Variants in TRPV3 observed in about 807,000 individuals in gnomAD.
TRPV3 encodes transient receptor potential cation channel subfamily V member 3.
Under a neutral mutation model 87.1 loss-of-function variants are expected in TRPV3, and 88 were observed. The observed-to-expected ratio is 1.01, with a 90% CI of 0.85 to 1.21. TRPV3 has a LOEUF of 1.21. Among genes scored for constraint, TRPV3 ranks in the 50% most tolerant of loss-of-function variants. The pLI, the probability that TRPV3 is intolerant of heterozygous loss-of-function variation, is 0.00. For synonymous variants in TRPV3, 438 were observed against 423.3 expected, an observed-to-expected ratio of 1.03 and a Z score of -0.43; for missense variants, 1,054 against 1,030.1, an observed-to-expected ratio of 1.02 and a Z score of -0.32.
At chr17:3,551,471 G>T (rs1348708155) in intron 2 of TRPV3, among the ~76,000 whole-genome samples, 2 of 152,186 alleles carry the variant, frequency 1.3e-5, no homozygotes, top group African/African-American at 4.8e-5. Flanking sequence ...GCACCAGCTG[G>T]GTGTGGTTGA....
chr17:3,533,710 G>A (rs1320087565), intron 7 of TRPV3, among the ~76,000 whole-genome samples: 2 of 152,146 alleles, frequency 1.3e-5, no homozygotes, highest in South Asian at 2.1e-4. Flanking sequence ...TGTTGGCCAG[G>A]ATGGTCTTGA....
intron 12 of TRPV3, among the ~76,000 whole-genome samples, chr17:3,525,623 T>C (rs1477816136): frequency 1.1e-5 from 1 of 93,758 alleles, no homozygotes; most frequent in Non-Finnish European, 2.7e-5. Context: ...CACAATTAAT[T>C]TTTTTTTTTT....
At position 3,536,448 on chromosome 17, in the gene TRPV3, C is replaced by T. The variant is rs1365539173; in HGVS notation, c.644-735G>A. The stretch of plus-strand genomic sequence containing the variant: ...TACTAAAAATACAAAATTAGCCGGC[C>T]GTGGGGGCGCATGCCTGTAATCCCA... On this transcript the variant is annotated intron_variant, in intron 6 of 17. Transcript: ENST00000576742. Among the ~76,000 whole-genome samples the T allele has an allele frequency of 2.0e-5, 3 of 152,168 alleles. No individual in the cohort carries two copies. In the East Asian group the frequency reaches 5.8e-4, roughly 30 times the overall value.
rs972215846 is a variant in TRPV3 at position 3,557,222 on chromosome 17, C to T, written c.-3+454G>A. Among the ~76,000 whole-genome samples the T allele has an allele frequency of 3.3e-5, 5 of 152,124 alleles. No individual in the cohort carries two copies. The highest frequency in any genetic ancestry group is 5.9e-5 in the Non-Finnish European group (4 of 68,016). On this transcript the variant is annotated intron_variant, in intron 1 of 17. Coordinates refer to ENST00000576742, the MANE Select transcript of TRPV3 (RefSeq NM_145068.4). This position sits in a 1 kb window ranked among gnomAD's most constrained non-coding sequence, Gnocchi z 4.5. ...GCCTTTCCCGGGCGACAGACCAGGC[C>T]GCGGAGCCACAGCTGCTGACTCAGC...
intron 2 of TRPV3, chr17:3,546,647 A>G (rs2074528634): frequency 4.4e-6 from 2 of 455,976 alleles, no homozygotes; most frequent in East Asian, 6.9e-5. Context: ...CAACTTGCCC[A>G]AGGTCACGCA....
chr17:3,519,899 T>TA (rs2074229449), intron 14 of TRPV3, among the ~76,000 whole-genome samples: 1 of 113,412 alleles, frequency 8.8e-6, no homozygotes, highest in African/African-American at 3.2e-5. Context: ...ATTGGATGGA[T>TA]GATTAGATGG....
intron 14 of TRPV3, among the ~76,000 whole-genome samples, chr17:3,520,096 T>C (rs1250834978): frequency 1.3e-5 from 2 of 151,858 alleles, no homozygotes; most frequent in Non-Finnish European, 2.9e-5. Flanking sequence ...AGCAAATAAA[T>C]AAGCAAATTG....
intron 14 of TRPV3, among the ~76,000 whole-genome samples, chr17:3,519,859 T>C (rs1372454609): frequency 1.6e-5 from 1 of 61,412 alleles, no homozygotes; most frequent in Non-Finnish European, 4.8e-5. Context: ...ACTGGATGGA[T>C]GGATGGATGG....
intron 7 of TRPV3, 41 bp from the exon 8 acceptor site, chr17:3,532,978 C>T (rs373055839): frequency 3.0e-5 from 48 of 1,601,820 alleles, no homozygotes; most frequent in East Asian, 2.2e-5. Context: ...TCTCATGGGC[C>T]GGAAGCAGCG....
At position 3,518,968 on chromosome 17, in the gene TRPV3, C is replaced by G; in HGVS notation, c.1811-118G>C. The G allele has an allele frequency of 8.6e-7, 1 of 1,160,938 alleles. No individual in the cohort carries two copies. Among genetic ancestry groups the G allele is most frequent in the Non-Finnish European group, 1.2e-6 (1 of 841,892 alleles). The allele number at this position is 1,160,938 out of a possible 1,614,324, so 71.9% of individuals were successfully genotyped here. A position where few individuals can be genotyped will look rare whatever the true frequency, so the allele number is the denominator to read the frequency against. On this transcript the variant is annotated intron_variant, in intron 14 of 17. Coordinates refer to ENST00000576742, the MANE Select transcript of TRPV3 (RefSeq NM_145068.4). This position sits in a 1 kb window ranked among gnomAD's most constrained non-coding sequence, Gnocchi z 4.3. ...CCTCCTTCTCTCTGGCCATTAAATC[C>G]CATCTCCAGTTTCAGGTCCTCTCAA...
intron 16 of TRPV3, among the ~76,000 whole-genome samples, chr17:3,515,670 G>A (rs113711942): frequency 0.025 from 3,496 of 137,640 alleles, 135 homozygotes; most frequent in African/African-American, 0.089. Context: ...AAGAAAAGGT[G>A]GTCATAGGAT....
At chr17:3,526,575 T>C (rs1449909421) in intron 12 of TRPV3, among the ~76,000 whole-genome samples, 2 of 151,696 alleles carry the variant, frequency 1.3e-5, no homozygotes, top group African/African-American at 2.4e-5. Flanking sequence ...CTGTGATGGG[T>C]AGAGTTGGCC....
At position 3,512,588 on chromosome 17, in the gene TRPV3, T is replaced by C. The variant is rs533893979; in HGVS notation, c.*1329A>G. The C allele has an allele frequency of 6.6e-6, 1 of 152,312 alleles. No homozygotes were observed. The highest frequency in any genetic ancestry group is 6.5e-5 in the Admixed American group (1 of 15,296). 9.4% of individuals were successfully genotyped at this position (152,312 alleles called of 1,614,324 possible). ...TAATTCCACCTCGAACATTTTTACA[T>C]GAATCCTTTCACCAGATAACGGCGG... On this transcript the variant is annotated 3_prime_UTR_variant, in exon 18 of 18. Transcript: ENST00000576742.
Position 3,528,773 on chromosome 17 carries a change from G to A in TRPV3, c.1401+64C>T. ...GGCCTCAGTTTTCCCACCTGCACGT[G>A]GGGCAGCTCCAAGCCCCTCCAGCTC... is the stretch of plus-strand genomic sequence containing the variant. On this transcript the variant is annotated intron_variant, in intron 10 of 17. Transcript: ENST00000576742. The surrounding 1 kb of genome is among the most constrained non-coding windows in gnomAD (Gnocchi z 4.2). 6.3e-7 allele frequency: 1 copy of A among 1,589,732 alleles called. No individual in the cohort carries two copies. The highest frequency in any genetic ancestry group is 8.6e-7 in the Non-Finnish European group (1 of 1,165,200).
rs781041453 is a variant in TRPV3, at chr17:3,520,951, C to G, written c.1810+22G>C. ...AAAGTGTTTATAAATGTGGGAGTTA[C>G]TATTATTTATAAATCAATTACCTAC... On this transcript the variant is annotated intron_variant, in intron 14 of 17. Transcript: ENST00000576742. 4.0e-6 allele frequency: 6 copies of G among 1,504,726 alleles called. No homozygotes were observed. In the African/African-American group the frequency reaches 8.3e-5, roughly 21 times the overall value. 93.2% of individuals were successfully genotyped at this position (1,504,726 alleles called of 1,614,324 possible).
rs1482366007 is a variant in TRPV3 at position 3,530,741 on chromosome 17, G to C, written c.1066-538C>G. ...ATCCTCAAACTCTGCTGCATGTTAG[G>C]GCTGCTGGGAAACTTAGAAATTCCC... On this transcript the variant is annotated intron_variant, in intron 8 of 17. Coordinates refer to ENST00000576742, the MANE Select transcript of TRPV3 (RefSeq NM_145068.4). The surrounding 1 kb of genome is among the most constrained non-coding windows in gnomAD (Gnocchi z 4.0). Among the ~76,000 whole-genome samples, 2 of 152,100 alleles carry C rather than the reference G, an allele frequency of 1.3e-5. No homozygotes were observed. Among genetic ancestry groups the C allele is most frequent in the Non-Finnish European group, 2.9e-5 (2 of 68,006 alleles).
intron 6 of TRPV3, among the ~76,000 whole-genome samples, chr17:3,536,124 T>C (rs538379973): frequency 6.6e-6 from 1 of 152,252 alleles, no homozygotes; most frequent in East Asian, 1.9e-4. Flanking sequence ...CTCAGAAGTT[T>C]AGCGAGGCGG....
intron 2 of TRPV3, among the ~76,000 whole-genome samples, chr17:3,548,453 C>T (rs12453105): frequency 0.2 from 29,884 of 152,238 alleles, 3,626 homozygotes; most frequent in East Asian, 0.45. Context: ...GAGCCTTCTT[C>T]CAGCTAAACT....
chr17:3,520,309 C>A (rs1176765943), intron 14 of TRPV3, among the ~76,000 whole-genome samples: 1 of 152,174 alleles, frequency 6.6e-6, no homozygotes, highest in African/African-American at 2.4e-5. Context: ...CTGGTCCCAG[C>A]AGACCAGAGA....
Sources: allele counts gnomAD v4.1 joint callset (sites outside exome capture counted in the v4.1 genomes callset), GRCh38; gene constraint gnomAD v4.1.1; non-coding constraint Gnocchi (gnomAD v3.1); transcripts MANE v1.5; gene names NCBI Gene and HGNC (gene_info 2026-07-23, HGNC 2026-07-21).